The following KCNN3 variants were observed in gnomAD, a reference collection of about 807,000 sequenced individuals.
The protein encoded by KCNN3 is potassium calcium-activated channel subfamily N member 3, also known as small conductance calcium-activated potassium channel protein 3.
Under a neutral mutation model 62.9 loss-of-function variants are expected in KCNN3, and 16 were observed. That is an observed-to-expected ratio of 0.25 (90% CI 0.17 to 0.39). The LOEUF (loss-of-function observed/expected upper bound fraction) is 0.39. Among genes scored for constraint, KCNN3 ranks in the 10% least tolerant of loss-of-function variants. The pLI is 1.00. For missense variants in KCNN3, 599 were observed against 949.4 expected, an observed-to-expected ratio of 0.63 and a Z score of 4.85; for synonymous variants, 370 against 389.2, an observed-to-expected ratio of 0.95 and a Z score of 0.58.
At chr1:154,822,713 G>T (rs528548119) in intron 1 of KCNN3, among the ~76,000 whole-genome samples, 1 of 152,372 alleles carries the variant, frequency 6.6e-6, no homozygotes, top group Non-Finnish European at 1.5e-5. Context: ...TAGGCCAAGG[G>T]CAGGGGAGGG....
Position 154,717,673 on chromosome 1 carries a change from C to T in KCNN3, c.1702-2670G>A, listed in dbSNP as rs1420553597. 2.6e-5 allele frequency among the ~76,000 whole-genome samples: 4 copies of T among 152,034 alleles called. No homozygotes were observed. In the East Asian group the frequency reaches 7.7e-4, roughly 29 times the overall value. ...TGAAGTCACAGCACGGCCCGGGTAG[C>T]TGAGAGAGGCAGTCACATCATCTTT... is the stretch of plus-strand genomic sequence containing the variant. On this transcript the variant is annotated intron_variant, in intron 5 of 7. Coordinates refer to ENST00000271915, the MANE Select transcript of KCNN3 (RefSeq NM_002249.6).
chr1:154,716,952 C>T (rs889962398), intron 5 of KCNN3, among the ~76,000 whole-genome samples: 10 of 152,240 alleles, frequency 6.6e-5, no homozygotes, highest in African/African-American at 2.4e-4. Context: ...TCTTCAGTTT[C>T]CCTACGCACT....
At chr1:154,731,230 G>A (rs1441788896) in intron 4 of KCNN3, among the ~76,000 whole-genome samples, 3 of 152,220 alleles carry the variant, frequency 2.0e-5, no homozygotes, top group African/African-American at 4.8e-5. Context: ...GGTAAGAAGC[G>A]TCTTTCCCCG....
chr1:154,796,128 A>T (rs1312021092), intron 2 of KCNN3, among the ~76,000 whole-genome samples: 2 of 152,174 alleles, frequency 1.3e-5, no homozygotes, highest in Non-Finnish European at 2.9e-5. Flanking sequence ...GTGTTGGGGG[A>T]TGAGTGGAGG....
rs1009856155 is a variant in KCNN3, at chr1:154,699,187, T to C, written c.*8789A>G. The C allele has an allele frequency of 2.0e-4, 31 of 151,854 alleles. No individual in the cohort carries two copies. Among genetic ancestry groups the C allele is most frequent in the African/African-American group, 7.0e-4 (29 of 41,414 alleles). 9.4% of individuals were successfully genotyped at this position (151,854 alleles called of 1,614,324 possible). A position where few individuals can be genotyped will look rare whatever the true frequency, so the allele number is the denominator to read the frequency against. Reference sequence around the variant, plus strand: ...TCAAAACCTTCAGGCACTTGACTTTTTTTTTTTTTTTTAATATCCTTTACC... The same window carrying C: ...TCAAAACCTTCAGGCACTTGACTTTCTTTTTTTTTTTTAATATCCTTTACC... On this transcript the variant is annotated 3_prime_UTR_variant, in exon 8 of 8. Transcript: ENST00000271915.
intron 2 of KCNN3, among the ~76,000 whole-genome samples, chr1:154,782,691 G>A (rs188327600): frequency 2.3e-4 from 35 of 152,326 alleles, no homozygotes; most frequent in Admixed American, 1.4e-3. Context: ...ACTGTGGGCC[G>A]AGCCAGGTGA....
intron 4 of KCNN3, among the ~76,000 whole-genome samples, chr1:154,732,681 G>A (rs1226067264): frequency 3.3e-5 from 5 of 152,204 alleles, no homozygotes; most frequent in Non-Finnish European, 7.3e-5. Context: ...GAGCAAACTG[G>A]GTGGCTGCAC....
intron 4 of KCNN3, among the ~76,000 whole-genome samples, chr1:154,727,003 A>G (rs1407798779): frequency 6.6e-6 from 1 of 152,194 alleles, no homozygotes; most frequent in African/African-American, 2.4e-5. Context: ...CTCCCAATGC[A>G]TTTTAAAATC....
chr1:154,772,235 G>A lies in KCNN3; in HGVS notation c.1188C>T (p.Pro396=), dbSNP rs1260034815. 6.2e-7 allele frequency: 1 copy of A among 1,614,262 alleles called. No homozygotes were observed. The highest frequency in any genetic ancestry group is 2.2e-5 in the East Asian group (1 of 44,892). Residue 396 remains proline (P), a synonymous_variant, in exon 3 of 8, where the codon CCC becomes CCT. Transcript: ENST00000271915. This position sits in a 1 kb window ranked among gnomAD's most constrained non-coding sequence, Gnocchi z 5.6. ...WTARLAFSYT[P]SRAEADVDII... is the part of the protein sequence containing the mutation. Reference sequence around the variant, plus strand: ...TGTCCACATCGGCCTCCGCCCGGGAGGGTGTGTAGGAGAAGGCCAGGCGTG... The same window carrying A: ...TGTCCACATCGGCCTCCGCCCGGGAAGGTGTGTAGGAGAAGGCCAGGCGTG...
intron 2 of KCNN3, among the ~76,000 whole-genome samples, chr1:154,807,100 T>C (rs531706036): frequency 1.3e-5 from 2 of 152,070 alleles, no homozygotes; most frequent in South Asian, 4.2e-4. Flanking sequence ...AAACCACACA[T>C]ACACATGCAG....
intron 7 of KCNN3, among the ~76,000 whole-genome samples, chr1:154,712,516 G>A (rs543322649): frequency 1.3e-5 from 2 of 152,228 alleles, no homozygotes; most frequent in African/African-American, 2.4e-5. Context: ...GCACCTGCAC[G>A]TGGCCCGACA....
chr1:154,840,109 G>A (rs1651765387), intron 1 of KCNN3, among the ~76,000 whole-genome samples: 1 of 152,054 alleles, frequency 6.6e-6, no homozygotes, highest in Non-Finnish European at 1.5e-5. Context: ...GTCACTGGGT[G>A]GTGATTTCAA....
intron 3 of KCNN3, among the ~76,000 whole-genome samples, chr1:154,740,168 C>T (rs906307150): frequency 2.0e-5 from 3 of 152,168 alleles, no homozygotes; most frequent in Non-Finnish European, 4.4e-5. Flanking sequence ...TGTATTTCAT[C>T]ATATGAATAT....
intron 3 of KCNN3, among the ~76,000 whole-genome samples, chr1:154,753,847 G>C (rs1294405471): frequency 6.6e-6 from 1 of 152,192 alleles, no homozygotes; most frequent in Non-Finnish European, 1.5e-5. Context: ...CAAGAAAGAG[G>C]CCCAGGAAAG....
chr1:154,818,444 G>A (rs554566818), intron 2 of KCNN3, among the ~76,000 whole-genome samples: 99 of 152,326 alleles, frequency 6.5e-4, no homozygotes, highest in Middle Eastern at 3.4e-3. Context: ...CCTGCACTAG[G>A]TGGACACTAC....
chr1:154,848,829 C>A (rs977085692), intron 1 of KCNN3, among the ~76,000 whole-genome samples: 1 of 152,198 alleles, frequency 6.6e-6, no homozygotes, highest in Non-Finnish European at 1.5e-5. Flanking sequence ...GGATGCAGAG[C>A]CTCTCTACCG....
At chr1:154,780,192 T>A (rs1313491439) in intron 2 of KCNN3, among the ~76,000 whole-genome samples, 2 of 132,524 alleles carry the variant, frequency 1.5e-5, no homozygotes, top group South Asian at 4.6e-4. Flanking sequence ...TTTTCTTTTT[T>A]TCTTTTTTTT....
intron 3 of KCNN3, among the ~76,000 whole-genome samples, chr1:154,735,472 C>A (rs1557948813): frequency 6.6e-6 from 1 of 152,190 alleles, no homozygotes; most frequent in Non-Finnish European, 1.5e-5. Context: ...CTTGCCTGCC[C>A]ACTCCATCTG....
intron 1 of KCNN3, among the ~76,000 whole-genome samples, chr1:154,834,568 GA>G (rs1373595391): frequency 6.6e-6 from 1 of 152,198 alleles, no homozygotes; most frequent in Non-Finnish European, 1.5e-5. Context: ...TTTCAAGGCA[GA>G]AGGATCTCCA....
Sources: allele counts gnomAD v4.1 joint callset (sites outside exome capture counted in the v4.1 genomes callset), GRCh38; gene constraint gnomAD v4.1.1; non-coding constraint Gnocchi (gnomAD v3.1); transcripts MANE v1.5; gene names NCBI Gene and HGNC (gene_info 2026-07-23, HGNC 2026-07-21).